Variants in KAT8 observed in about 807,000 individuals in gnomAD.
KAT8 encodes histone acetyltransferase KAT8.
A neutral mutation model predicts 62.9 loss-of-function variants in KAT8; 40 were observed. The ratio of observed to expected loss-of-function variants is 0.64; its 90% CI spans 0.49 to 0.83. The LOEUF (loss-of-function observed/expected upper bound fraction) is 0.83. Among genes scored for constraint, KAT8 ranks in the 40% least tolerant of loss-of-function variants. The pLI is 0.00. For missense variants in KAT8, 387 were observed against 614.8 expected (o/e 0.63, Z 3.92); for synonymous variants, 278 against 254.5 (o/e 1.09, Z -0.88).
At chr16:31,124,548 A>G (rs771157217) in intron 3 of KAT8, among the ~76,000 whole-genome samples, 6 of 152,110 alleles carry the variant, frequency 3.9e-5, no homozygotes, top group Admixed American at 1.3e-4. Flanking sequence ...CATGGCCAAC[A>G]TGGTGAAACC....
chr16:31,129,580 A>G (rs1272917224), intron 6 of KAT8, among the ~76,000 whole-genome samples: 1 of 152,294 alleles, frequency 6.6e-6, no homozygotes. Flanking sequence ...GTGGACAGAC[A>G]GGGCTCGAGG....
intron 5 of KAT8, among the ~76,000 whole-genome samples, chr16:31,127,587 G>T (rs1356455122): frequency 2.0e-5 from 3 of 152,218 alleles, no homozygotes; most frequent in African/African-American, 7.2e-5. Context: ...CTGGAATGGG[G>T]ACAGTAACTC....
chr16:31,121,434 T>C (rs530150769), intron 3 of KAT8, among the ~76,000 whole-genome samples: 7 of 152,126 alleles, frequency 4.6e-5, no homozygotes, highest in Non-Finnish European at 8.8e-5. Flanking sequence ...GCTAAGTGTT[T>C]TAATACATGA....
chr16:31,124,392 A>G (rs1349530253), intron 3 of KAT8, among the ~76,000 whole-genome samples: 1 of 152,248 alleles, frequency 6.6e-6, no homozygotes, highest in Non-Finnish European at 1.5e-5. Context: ...CTGTAATCCC[A>G]GCACTCTGGG....
chr16:31,120,442 C>T lies in KAT8; in HGVS notation c.390C>T (p.Leu130=), dbSNP rs1461607528. 5 of 1,613,768 alleles carry T rather than the reference C, an allele frequency of 3.1e-6. No homozygotes were observed. Among genetic ancestry groups the T allele is most frequent in the Admixed American group, 3.3e-5 (2 of 59,994 alleles). The change falls in exon 3 of 11, where the codon CTC becomes CTT. Residue 130 remains leucine, a synonymous_variant. Transcript: ENST00000219797. ...ACTCAGAGAAGTACCTGAGCGAGCT[C>T]GCAGAGCAGCCTGAGCGCAAGATCA... The part of the protein sequence containing the change: ...QKNSEKYLSE[L]AEQPERKITR...
chr16:31,120,423 A>G lies in KAT8; in HGVS notation c.371A>G (p.Glu124Gly), dbSNP rs2057484884. 1 of 1,614,050 alleles carries G rather than the reference A, an allele frequency of 6.2e-7. No homozygotes were observed. The highest frequency in any genetic ancestry group is 8.5e-7 in the Non-Finnish European group (1 of 1,180,006). ...AAGGATGCTGTACAGAAGAACTCAG[A>G]GAAGTACCTGAGCGAGCTCGCAGAG... ...TVKDAVQKNS[E>G]KYLSELAEQP... The change falls in exon 3 of 11, where the codon GAG becomes GGG. Residue 124 changes from glutamate to glycine, a missense_variant. Coordinates refer to ENST00000219797, the MANE Select transcript of KAT8 (RefSeq NM_032188.3).
In KAT8 at chr16:31,131,181, C is replaced by T; in HGVS notation, c.1313-14C>T. On this transcript the variant is annotated splice_polypyrimidine_tract_variant and intron_variant, in intron 10 of 10. Coordinates refer to ENST00000219797, the MANE Select transcript of KAT8 (RefSeq NM_032188.3). ...CCCAGGCCCAGCCCTGCCTCCCGCC[C>T]CTTCTCCCCACAGTGGACTCCGTCT... The T allele has an allele frequency of 6.2e-7, 1 of 1,613,792 alleles. No homozygotes were observed. Among genetic ancestry groups the T allele is most frequent in the South Asian group, 1.1e-5 (1 of 91,048 alleles).
In KAT8 at chr16:31,131,279, C is replaced by G; in HGVS notation, c.*20C>G. The G allele has an allele frequency of 6.2e-7, 1 of 1,613,964 alleles. No homozygotes were observed. The highest frequency in any genetic ancestry group is 8.5e-7 in the Non-Finnish European group (1 of 1,179,924). On this transcript the variant is annotated 3_prime_UTR_variant, in exon 11 of 11. Coordinates refer to ENST00000219797, the MANE Select transcript of KAT8 (RefSeq NM_032188.3). Reference sequence around the variant, plus strand: ...AAGTGAGCAGCCTGGCCCCTGCTGTCGGACCTGAGCCTCCTGGCTCCCAGC... The same window carrying G: ...AAGTGAGCAGCCTGGCCCCTGCTGTGGGACCTGAGCCTCCTGGCTCCCAGC...
intron 3 of KAT8, among the ~76,000 whole-genome samples, chr16:31,121,993 C>G (rs764757082): frequency 6.6e-6 from 1 of 152,024 alleles, no homozygotes; most frequent in Non-Finnish European, 1.5e-5. Context: ...TCAAGCGATC[C>G]TCCTGCCTTA....
At chr16:31,128,280 G>C in intron 6 of KAT8, 141 bp downstream of exon 6, 1 of 665,616 alleles carries the variant, frequency 1.5e-6, no homozygotes, top group South Asian at 1.7e-5. Context: ...GGGCACTGCA[G>C]CTCACACCTG....
At chr16:31,118,114 C>T (rs1001117994) in intron 1 of KAT8, 1 of 402,934 alleles carries the variant, frequency 2.5e-6, no homozygotes, top group Non-Finnish European at 4.4e-6. Flanking sequence ...GCCTACAAAC[C>T]CACCGCTCAG....
chr16:31,130,633 G>A, intron 9 of KAT8, 27 bp downstream of exon 9: 2 of 1,612,916 alleles, frequency 1.2e-6, no homozygotes, highest in Non-Finnish European at 1.7e-6. Context: ...GGCCCTGGGG[G>A]CAGGACTTGC....
At position 31,127,330 on chromosome 16, in the gene KAT8, G is replaced by A; in HGVS notation, c.658G>A (p.Glu220Lys). 1 of 1,614,238 alleles carries A rather than the reference G, an allele frequency of 6.2e-7. No individual in the cohort carries two copies. The change falls in exon 5 of 11, where the codon GAG becomes AAG. Residue 220 changes from glutamate (E) to lysine (K), a missense_variant. This residue lies in a region of KAT8 where 141 missense variants were observed against 222.5 expected (regional missense o/e 0.63). Coordinates refer to ENST00000219797, the MANE Select transcript of KAT8 (RefSeq NM_032188.3). ...GTACTGCCTCAAGTACATGAAATAT[G>A]AGAAGAGCTACCGCTTCCACTTGGT... ...CEYCLKYMKY[E>K]KSYRFHLGQC... is the part of the protein sequence containing the mutation.
chr16:31,123,630 C>T (rs2057513573), intron 3 of KAT8: 1 of 152,238 alleles, frequency 6.6e-6, no homozygotes, highest in Non-Finnish European at 1.5e-5. Context: ...CCTCAGCCTC[C>T]CAAGTATCTG....
intron 6 of KAT8, among the ~76,000 whole-genome samples, 173 bp downstream of exon 6, chr16:31,128,312 C>G (rs1395662709): frequency 6.6e-6 from 1 of 152,126 alleles, no homozygotes; most frequent in East Asian, 1.9e-4. Flanking sequence ...CTTTTGGAGG[C>G]TGAGGTGGGC....
rs763272720 is a variant in KAT8, at chr16:31,120,253, C to T, written c.279C>T (p.Tyr93=). The change falls in exon 2 of 11, where the codon TAC becomes TAT. Residue 93 remains tyrosine (Y), a synonymous_variant. Transcript: ENST00000219797. ...GCCGAGAGGAATTCTATGTACACTA[C>T]GTGGGCTGTGAGTGGCTTGGCACAT... ...QEGREEFYVH[Y]VGFNRRLDEW... The T allele has an allele frequency of 3.1e-6, 5 of 1,614,118 alleles. No individual in the cohort carries two copies. Among genetic ancestry groups the T allele is most frequent in the East Asian group, 2.2e-5 (1 of 44,882 alleles).
At chr16:31,120,807 A>T (rs1887198835) in intron 3 of KAT8, 1 of 335,324 alleles carries the variant, frequency 3.0e-6, no homozygotes, top group Non-Finnish European at 5.5e-6. Context: ...CTTAGTAGAA[A>T]AAATGACTTG....
At chr16:31,124,900 G>T (rs1378610511) in intron 3 of KAT8, among the ~76,000 whole-genome samples, 1 of 151,562 alleles carries the variant, frequency 6.6e-6, no homozygotes, top group Non-Finnish European at 1.5e-5. Context: ...TTGCTGGTGG[G>T]CGCCTGTAAT....
chr16:31,117,816 C>T lies in KAT8; in HGVS notation c.135C>T (p.Thr45=), dbSNP rs777037520. 7.7e-6 allele frequency: 11 copies of T among 1,436,304 alleles called. No individual in the cohort carries two copies. In the East Asian group the frequency reaches 3.0e-4, roughly 39 times the overall value. 89.0% of individuals were successfully genotyped at this position (1,436,304 alleles called of 1,614,324 possible). Residue 45 remains threonine, a synonymous_variant, in exon 1 of 11, where the codon ACC becomes ACT. Coordinates refer to ENST00000219797, the MANE Select transcript of KAT8 (RefSeq NM_032188.3). ...CCCCGGGCCGCGTCTCTCCGCCGAC[C>T]CCGGCGCGCGGCGAGCCGGAAGTCA... The part of the protein sequence containing the change: ...APSPGRVSPP[T]PARGEPEVTV...
Sources: allele counts gnomAD v4.1 joint callset (sites outside exome capture counted in the v4.1 genomes callset), GRCh38; gene constraint gnomAD v4.1.1; regional missense constraint gnomAD v4.1.1; transcripts MANE v1.5; gene names NCBI Gene and HGNC (gene_info 2026-07-23, HGNC 2026-07-21).